TENM1: variants seen among roughly 807,000 people sequenced by gnomAD.
TENM1 encodes the protein teneurin-1.
A neutral mutation model predicts 174.8 loss-of-function variants in TENM1; 35 were observed. The observed-to-expected ratio is 0.20, with a 90% CI of 0.15 to 0.27. The LOEUF (loss-of-function observed/expected upper bound fraction) is 0.27, where lower values mean the gene tolerates loss of function less well. Ranked by LOEUF, TENM1 falls within the 10% of genes least tolerant of loss-of-function variation. TENM1 has a pLI of 1.00. For synonymous variants in TENM1, 781 were observed against 798.7 expected, an observed-to-expected ratio of 0.98 and a Z score of 0.37; for missense variants, 1,633 against 2,130.1, an observed-to-expected ratio of 0.77 and a Z score of 4.59.
At chrX:125,040,954 C>A in the TENM1 span, among the ~76,000 whole-genome samples, 2 of 111,634 alleles carry the variant, frequency 1.8e-5, no homozygotes, top group Non-Finnish European at 3.8e-5. Context: ...AACTCATTCT[C>A]TTTTCTATTA....
At chrX:124,384,460 G>T (rs368653322) in exon 30 of TENM1, 2 of 1,208,240 alleles carry the variant, frequency 1.7e-6, no homozygotes, top group African/African-American at 3.5e-5. Context: ...CGTATTCATA[G>T]AAGTACCTTG....
At chrX:125,032,638 G>C in the TENM1 span, among the ~76,000 whole-genome samples, 1 of 111,400 alleles carries the variant, frequency 9.0e-6, no homozygotes, top group Non-Finnish European at 1.9e-5. Flanking sequence ...CCCCCAGACA[G>C]TTTTCCAAAC....
At chrX:124,749,560 A>T (rs1481924436) in intron 3 of TENM1, among the ~76,000 whole-genome samples, 1 of 112,442 alleles carries the variant, frequency 8.9e-6, no homozygotes, top group Non-Finnish European at 1.9e-5. Context: ...CCCTCACAGT[A>T]CGTCAAACCC....
chrX:124,869,333 T>C (rs1379021275), intron 3 of TENM1, among the ~76,000 whole-genome samples: 2 of 111,592 alleles, frequency 1.8e-5, no homozygotes, highest in African/African-American at 6.5e-5. Context: ...AAGGGAATAC[T>C]TGCACACTGT....
chrX:125,012,487 T>C, the TENM1 span, among the ~76,000 whole-genome samples: 3 of 112,481 alleles, frequency 2.7e-5, no homozygotes, highest in Non-Finnish European at 5.6e-5. Flanking sequence ...AAGTTAAATA[T>C]ATTTAGCATC....
chrX:124,478,760 A>C (rs2046786085), intron 22 of TENM1, among the ~76,000 whole-genome samples: 1 of 111,957 alleles, frequency 8.9e-6, no homozygotes, highest in Admixed American at 9.5e-5. Context: ...GAAATTCATT[A>C]AACGTTTGCT....
chrX:124,465,951 G>C (rs976883821), intron 22 of TENM1, among the ~76,000 whole-genome samples: 1 of 111,821 alleles, frequency 8.9e-6, no homozygotes, highest in Non-Finnish European at 1.9e-5. Context: ...AGTGAATGTG[G>C]TTCTTTTTCT....
the TENM1 span, among the ~76,000 whole-genome samples, chrX:125,040,196 C>T: frequency 1.8e-5 from 2 of 110,964 alleles, no homozygotes; most frequent in East Asian, 2.8e-4. Flanking sequence ...GTGGATTTAC[C>T]GTAAAGCTTA....
the TENM1 span, among the ~76,000 whole-genome samples, chrX:125,114,881 C>T: frequency 2.2e-4 from 25 of 111,892 alleles, no homozygotes; most frequent in Non-Finnish European, 1.9e-4. Flanking sequence ...TTCTCCCTAA[C>T]TCATTTTATG....
intron 3 of TENM1, among the ~76,000 whole-genome samples, chrX:124,891,232 T>A (rs1396220210): frequency 9.0e-6 from 1 of 111,327 alleles, no homozygotes; most frequent in Non-Finnish European, 1.9e-5. Flanking sequence ...AGATCTAGCA[T>A]TTGATAGCAC....
chrX:124,822,505 A>G (rs886975146), intron 3 of TENM1, among the ~76,000 whole-genome samples: 2 of 112,257 alleles, frequency 1.8e-5, no homozygotes, highest in Non-Finnish European at 3.8e-5. Flanking sequence ...ACTGAAATGG[A>G]ACTTCTCCAC....
intron 3 of TENM1, among the ~76,000 whole-genome samples, chrX:124,888,066 A>G (rs753291631): frequency 1.8e-3 from 203 of 112,005 alleles, no homozygotes; most frequent in Non-Finnish European, 3.1e-3. Context: ...TAACTATTAC[A>G]TGTCATTCAA....
chrX:124,894,774 A>G (rs751051014), intron 2 of TENM1, among the ~76,000 whole-genome samples: 2 of 111,473 alleles, frequency 1.8e-5, no homozygotes, highest in Non-Finnish European at 3.8e-5. Context: ...GTTTTTCCCA[A>G]CTGAAAGACG....
At chrX:124,506,898 G>A (rs1279028685) in intron 18 of TENM1, among the ~76,000 whole-genome samples, 1 of 111,532 alleles carries the variant, frequency 9.0e-6, no homozygotes, top group African/African-American at 3.3e-5. Context: ...GGGAAAAAAG[G>A]TTACACTGCA....
the TENM1 span, among the ~76,000 whole-genome samples, chrX:125,149,659 G>C: frequency 1.8e-5 from 2 of 111,707 alleles, no homozygotes; most frequent in Non-Finnish European, 3.8e-5. Context: ...GTACAATAAT[G>C]CTACATAAAA....
intron 27 of TENM1, among the ~76,000 whole-genome samples, chrX:124,404,777 A>T (rs2060443223): frequency 9.0e-6 from 1 of 111,280 alleles, no homozygotes. Flanking sequence ...TGCTACTATT[A>T]GAGCACTTTA....
At chrX:125,129,564 T>C in the TENM1 span, among the ~76,000 whole-genome samples, 1 of 111,028 alleles carries the variant, frequency 9.0e-6, no homozygotes, top group East Asian at 2.8e-4. Flanking sequence ...TCTTTCTATT[T>C]TTTATACCTA....
chrX:125,028,439 C>A, the TENM1 span, among the ~76,000 whole-genome samples: 2 of 111,229 alleles, frequency 1.8e-5, no homozygotes, highest in Non-Finnish European at 3.8e-5. Context: ...AACAGAAAAC[C>A]AAAAACTACA....
chrX:124,491,535 A>T (rs1231350679), intron 20 of TENM1, among the ~76,000 whole-genome samples: 4 of 111,531 alleles, frequency 3.6e-5, no homozygotes, highest in Non-Finnish European at 7.5e-5. Flanking sequence ...ATCTTACCTC[A>T]ATCTCCCACT....
Sources: allele counts gnomAD v4.1 joint callset (sites outside exome capture counted in the v4.1 genomes callset), GRCh38; gene constraint gnomAD v4.1.1; transcripts MANE v1.5; gene names NCBI Gene and HGNC (gene_info 2026-07-23, HGNC 2026-07-21).